KCNH7: variants seen among roughly 807,000 people sequenced by gnomAD.
KCNH7 encodes potassium voltage-gated channel subfamily H member 7.
A neutral mutation model predicts 120.8 loss-of-function variants in KCNH7; 49 were observed. The observed-to-expected ratio is 0.41, with a 90% CI of 0.32 to 0.51. The LOEUF is 0.51. Ranked by LOEUF, KCNH7 falls within the 20% of genes least tolerant of loss-of-function variation. The pLI, the probability that KCNH7 is intolerant of heterozygous loss-of-function variation, is 0.38. For missense variants in KCNH7, 1,097 were observed against 1,446.6 expected, an observed-to-expected ratio of 0.76 and a Z score of 3.92; for synonymous variants, 547 against 516.1, an observed-to-expected ratio of 1.06 and a Z score of -0.81.
At chr2:162,433,807 G>A (rs887920351) in intron 8 of KCNH7, among the ~76,000 whole-genome samples, 3 of 151,930 alleles carry the variant, frequency 2.0e-5, no homozygotes, top group Non-Finnish European at 4.4e-5. Context: ...AGCAACTGTG[G>A]AATGCAGTTT....
Position 162,517,756 on chromosome 2 carries a change from A to G in KCNH7, c.866T>C (p.Ile289Thr). The G allele has an allele frequency of 6.3e-7, 1 of 1,575,378 alleles. No individual in the cohort carries two copies. Among genetic ancestry groups the G allele is most frequent in the African/African-American group, 1.4e-5 (1 of 73,996 alleles). The change falls in exon 4 of 16, where the codon ATA (isoleucine) becomes ACA (threonine). Residue 289 changes from isoleucine to threonine, a missense_variant. By Grantham distance (89) the Ile-to-Thr change is moderately conservative. Coordinates refer to ENST00000332142, the MANE Select transcript of KCNH7 (RefSeq NM_033272.4). ...TTCGCTGGCATGTCGGTCTCTAAAT[A>G]TGTTCTTGGGGTGGACGCCGAATCC... is the stretch of plus-strand genomic sequence containing the variant. ...IEGFGVHPKN[I>T]FRDRHASEDN...
chr2:162,543,857 G>A (rs1026154685), intron 2 of KCNH7, among the ~76,000 whole-genome samples: 9 of 152,128 alleles, frequency 5.9e-5, no homozygotes, highest in African/African-American at 2.2e-4. Flanking sequence ...CATAAAAGAT[G>A]TTAGCAATAA....
chr2:162,544,816 T>C (rs142119983), intron 2 of KCNH7, among the ~76,000 whole-genome samples: 2 of 152,250 alleles, frequency 1.3e-5, no homozygotes, highest in African/African-American at 4.8e-5. Flanking sequence ...CATTTCATTT[T>C]AATCTATTCA....
chr2:162,474,676 TGTTGCTCTGGAGGAAACCAGCTGCCATG>T (rs1367319075), intron 6 of KCNH7, among the ~76,000 whole-genome samples: 2 of 152,270 alleles, frequency 1.3e-5, no homozygotes, highest in Non-Finnish European at 2.9e-5. Flanking sequence ...TCTCTTAGGC[TGTTGCTCTGGAGGAAACCAGCTGCCATG>T]GTTGCTCTGG....
chr2:162,823,096 G>T (rs1342168444), intron 2 of KCNH7, among the ~76,000 whole-genome samples: 1 of 152,168 alleles, frequency 6.6e-6, no homozygotes, highest in Non-Finnish European at 1.5e-5. Context: ...TGAGCACACA[G>T]GCTCTAAAAG....
At chr2:162,813,957 TA>T (rs199650629) in intron 2 of KCNH7, among the ~76,000 whole-genome samples, 2 of 152,134 alleles carry the variant, frequency 1.3e-5, no homozygotes, top group East Asian at 1.9e-4. Context: ...ATGTCTACAG[TA>T]AAAAAAAGTG....
At chr2:162,715,331 T>C (rs183874846) in intron 2 of KCNH7, among the ~76,000 whole-genome samples, 1 of 152,226 alleles carries the variant, frequency 6.6e-6, no homozygotes, top group East Asian at 1.9e-4. Context: ...TTGAGAGAGC[T>C]CACTGTCACG....
At chr2:162,603,140 T>C (rs1176553700) in intron 2 of KCNH7, among the ~76,000 whole-genome samples, 1 of 151,946 alleles carries the variant, frequency 6.6e-6, no homozygotes, top group Admixed American at 6.6e-5. Flanking sequence ...GTAGGGTCAC[T>C]AGTTTTCATT....
chr2:162,537,699 ATCT>A (rs1207275458), intron 2 of KCNH7, among the ~76,000 whole-genome samples: 1 of 152,218 alleles, frequency 6.6e-6, no homozygotes, highest in Admixed American at 6.5e-5. Flanking sequence ...TGTGTTAGTA[ATCT>A]TCTTCATGAG....
chr2:162,676,334 G>A (rs146868479), intron 2 of KCNH7, among the ~76,000 whole-genome samples: 3,785 of 151,436 alleles, frequency 0.025, 73 homozygotes, highest in South Asian at 0.056. Flanking sequence ...TCTCATTGAC[G>A]GCACCTCCAA....
intron 2 of KCNH7, among the ~76,000 whole-genome samples, chr2:162,654,716 T>C (rs1684683279): frequency 6.6e-6 from 1 of 152,180 alleles, no homozygotes; most frequent in Non-Finnish European, 1.5e-5. Context: ...CTGAGCATTA[T>C]TCACAATAGC....
chr2:162,713,009 T>C lies in KCNH7; in HGVS notation c.307+123528A>G, dbSNP rs560715801. Among the ~76,000 whole-genome samples the C allele has an allele frequency of 3.3e-5, 5 of 152,234 alleles. No individual in the cohort carries two copies. In the East Asian group the frequency reaches 7.7e-4, roughly 24 times the overall value. ...CAGAGTTCAAATAACTGATTCAGGA[T>C]GAATCCCTGGGTTTAAATGATTCTC... On this transcript the variant is annotated intron_variant, in intron 2 of 15. Transcript: ENST00000332142.
chr2:162,442,935 T>C (rs1309759815), intron 7 of KCNH7, among the ~76,000 whole-genome samples: 1 of 152,216 alleles, frequency 6.6e-6, no homozygotes, highest in Admixed American at 6.5e-5. Context: ...TATGTACTTA[T>C]GCATTTATTT....
At chr2:162,612,103 T>C (rs1682989924) in intron 2 of KCNH7, among the ~76,000 whole-genome samples, 1 of 152,078 alleles carries the variant, frequency 6.6e-6, no homozygotes, top group Non-Finnish European at 1.5e-5. Flanking sequence ...TCAGACACAA[T>C]ATAGCAAACA....
At chr2:162,834,240 T>C (rs1685574295) in intron 2 of KCNH7, among the ~76,000 whole-genome samples, 2 of 152,128 alleles carry the variant, frequency 1.3e-5, no homozygotes, top group Admixed American at 6.6e-5. Flanking sequence ...ATCCAAGTTA[T>C]CTGAACTAGC....
At chr2:162,380,391 G>A (rs1307208501) in intron 13 of KCNH7, among the ~76,000 whole-genome samples, 2 of 152,078 alleles carry the variant, frequency 1.3e-5, no homozygotes, top group African/African-American at 4.8e-5. Flanking sequence ...TGTTTGCACC[G>A]CATTATCTAG....
At chr2:162,828,541 A>T (rs990918705) in intron 2 of KCNH7, among the ~76,000 whole-genome samples, 1 of 152,176 alleles carries the variant, frequency 6.6e-6, no homozygotes, top group Admixed American at 6.6e-5. Context: ...ATGTCCTATC[A>T]AAATTAAGAA....
chr2:162,614,825 A>T (rs747871064), intron 2 of KCNH7, among the ~76,000 whole-genome samples: 18 of 151,390 alleles, frequency 1.2e-4, no homozygotes. Flanking sequence ...ATACTATTGG[A>T]TAGGGCTACT....
intron 2 of KCNH7, among the ~76,000 whole-genome samples, chr2:162,691,991 G>A (rs919727098): frequency 5.3e-5 from 8 of 152,246 alleles, no homozygotes; most frequent in South Asian, 2.1e-4. Flanking sequence ...GATTTCTACT[G>A]CTGCTGATCT....
Sources: gnomAD v4.1 joint callset for allele counts (sites outside exome capture counted in the v4.1 genomes callset) on GRCh38, gnomAD v4.1.1 for gene constraint, MANE v1.5 for transcripts, NCBI Gene and HGNC (gene_info 2026-07-23, HGNC 2026-07-21) for gene names.